Variants in ITGAX observed in about 807,000 individuals in gnomAD.
ITGAX encodes integrin subunit alpha X, also known as integrin alpha-X.
Under a neutral mutation model 140.2 loss-of-function variants are expected in ITGAX, and 99 were observed. The observed-to-expected ratio is 0.71, with a 90% CI of 0.60 to 0.83. ITGAX has a LOEUF of 0.83. ITGAX is among the 40% of genes least tolerant of loss of function. The pLI is 0.00. For missense variants in ITGAX, 1,444 were observed against 1,482.0 expected, an observed-to-expected ratio of 0.97 and a Z score of 0.42; for synonymous variants, 631 against 600.4, an observed-to-expected ratio of 1.05 and a Z score of -0.75.
rs1474912776 is a variant in ITGAX, at chr16:31,372,652, T to C, written c.2348T>C (p.Ile783Thr). 1.2e-6 allele frequency: 2 copies of C among 1,613,990 alleles called. No individual in the cohort carries two copies. Among genetic ancestry groups the C allele is most frequent in the Non-Finnish European group, 1.7e-6 (2 of 1,179,944 alleles). The change falls in exon 19 of 30, where the codon ATC becomes ACC. Residue 783 changes from isoleucine (I) to threonine (T), a missense_variant. Physicochemically the swap from Ile to Thr is moderately conservative, Grantham distance 89. Coordinates refer to ENST00000268296, the MANE Select transcript of ITGAX (RefSeq NM_000887.5). The part of the protein sequence containing the change: ...ADHICQDNLG[I>T]SFSFPGLKSL... ...CATATCTGCCAGGACAATCTCGGCA[T>C]CTCCTTCAGCTTCCCAGGGTGAGCG...
chr16:31,371,663 C>T lies in ITGAX; in HGVS notation c.2039C>T (p.Ala680Val), dbSNP rs752349110. 6.2e-7 allele frequency: 1 copy of T among 1,614,156 alleles called. No individual in the cohort carries two copies. Among genetic ancestry groups the T allele is most frequent in the South Asian group, 1.1e-5 (1 of 91,082 alleles). ...CAAAGCTCTGTGACCTTGGACCTGGCCCTCGACCCTGGCCGCCTGAGTCCC... is the reference window on the plus strand; with the variant it reads ...CAAAGCTCTGTGACCTTGGACCTGGTCCTCGACCCTGGCCGCCTGAGTCCC... ...DLQSSVTLDL[A>V]LDPGRLSPRA... The change falls in exon 17 of 30, where the codon GCC becomes GTC. Residue 680 changes from alanine to valine, a missense_variant. By Grantham distance (64) the Ala-to-Val change is moderately conservative. Coordinates refer to ENST00000268296, the MANE Select transcript of ITGAX (RefSeq NM_000887.5).
chr16:31,355,367 G>C (rs1034100745), intron 1 of ITGAX, 76 bp downstream of exon 1: 4 of 1,520,420 alleles, frequency 2.6e-6, no homozygotes, highest in Admixed American at 3.4e-5. Flanking sequence ...GGGGGCTCAG[G>C]CTGGGGGGTT....
At chr16:31,377,938 G>A (rs967874296) in intron 23 of ITGAX, among the ~76,000 whole-genome samples, 9 of 152,222 alleles carry the variant, frequency 5.9e-5, no homozygotes, top group African/African-American at 1.7e-4. Flanking sequence ...TGGCAGAGGA[G>A]GAATGAGGCT....
intron 16 of ITGAX, 60 bp from the exon 17 acceptor site, chr16:31,371,570 C>T (rs912837065): frequency 3.7e-6 from 6 of 1,610,894 alleles, no homozygotes; most frequent in Non-Finnish European, 4.2e-6. Context: ...TGTCTCCCAC[C>T]CTGCTCATTG....
rs751181508 is a variant in ITGAX, at chr16:31,360,039, C to T, written c.681C>T (p.Tyr227=). The stretch of plus-strand genomic sequence containing the variant: ...TTCACCAGCTGCAAGGGTTTACATA[C>T]ACGGCCACCGCCATCCAAAATGTCG... ...ASVHQLQGFT[Y]TATAIQNVVH... The change falls in exon 7 of 30, where the codon TAC becomes TAT. Residue 227 remains tyrosine (Y), a synonymous_variant. Coordinates refer to ENST00000268296, the MANE Select transcript of ITGAX (RefSeq NM_000887.5). 1 of 1,612,274 alleles carries T rather than the reference C, an allele frequency of 6.2e-7. No homozygotes were observed. Among genetic ancestry groups the T allele is most frequent in the Non-Finnish European group, 8.5e-7 (1 of 1,180,030 alleles).
intron 23 of ITGAX, 30 bp from the exon 24 acceptor site, chr16:31,379,538 C>A: frequency 6.4e-7 from 1 of 1,551,164 alleles, no homozygotes; most frequent in Non-Finnish European, 8.7e-7. Context: ...CATGGTAGTT[C>A]ACATCCACTT....
chr16:31,361,763 A>C, intron 9 of ITGAX, 73 bp from the exon 10 acceptor site: 1 of 1,469,296 alleles, frequency 6.8e-7, no homozygotes, highest in South Asian at 1.1e-5. Context: ...AGCTTCTCCT[A>C]AAGCTGAAGT....
chr16:31,363,396 GT>G, intron 14 of ITGAX, 22 bp downstream of exon 14: 1 of 1,612,300 alleles, frequency 6.2e-7, no homozygotes, highest in Non-Finnish European at 8.5e-7. Flanking sequence ...TCCCATTTCT[GT>G]CACTAGAGCA....
chr16:31,359,702 T>C lies in ITGAX; in HGVS notation c.433T>C (p.Cys145Arg). 1 of 1,613,828 alleles carries C rather than the reference T, an allele frequency of 6.2e-7. No individual in the cohort carries two copies. ...ACCGGTGCCACCTCCTTCCCCAGAG[T>C]GCCCAAGACAGGAGCAGGACATTGT... ...TQRLPVSRQECPRQEQDIVFL... is the reference protein window; with the variant it reads ...TQRLPVSRQERPRQEQDIVFL... Residue 145 changes from cysteine (C) to arginine (R), a missense_variant and splice_region_variant, in exon 6 of 30, where the codon TGC (cysteine) becomes CGC (arginine). Coordinates refer to ENST00000268296, the MANE Select transcript of ITGAX (RefSeq NM_000887.5).
In ITGAX at chr16:31,360,073, C is replaced by T; in HGVS notation, c.707+8C>T. 6.2e-7 allele frequency: 1 copy of T among 1,608,342 alleles called. No homozygotes were observed. The highest frequency in any genetic ancestry group is 8.5e-7 in the Non-Finnish European group (1 of 1,179,966). On this transcript the variant is annotated splice_region_variant and intron_variant, in intron 7 of 29. Transcript: ENST00000268296. ...CGCCATCCAAAATGTCGTGTGAGTC[C>T]TGATTTCTTCCAGGCACAGTCCCAA... is the stretch of plus-strand genomic sequence containing the variant.
At chr16:31,368,156 T>TG (rs1383848257) in intron 14 of ITGAX, among the ~76,000 whole-genome samples, 1 of 151,634 alleles carries the variant, frequency 6.6e-6, no homozygotes, top group African/African-American at 2.4e-5. Context: ...AGTGTTTTTT[T>TG]TTTTTTTCAG....
intron 14 of ITGAX, among the ~76,000 whole-genome samples, chr16:31,366,927 A>G (rs996898784): frequency 3.9e-5 from 6 of 152,246 alleles, no homozygotes; most frequent in Non-Finnish European, 7.3e-5. Flanking sequence ...CAAATTCTGA[A>G]TGCAAAGAAA....
rs1371387597 is a variant in ITGAX at position 31,380,921 on chromosome 16, A to G, written c.3301A>G (p.Lys1101Glu). Residue 1101 changes from lysine to glutamate, a missense_variant, in exon 29 of 30, where the codon AAG (lysine) becomes GAG (glutamate). Transcript: ENST00000268296. The part of the protein sequence containing the change: ...AQTTTVLEKY[K>E]VHNPTPLIVG... ...GACGACAACGGTGCTGGAGAAGTAC[A>G]AGGTCCACAACCCCACCCCCCTCAT... is the stretch of plus-strand genomic sequence containing the variant. 1 of 1,614,110 alleles carries G rather than the reference A, an allele frequency of 6.2e-7. No homozygotes were observed. Among genetic ancestry groups the G allele is most frequent in the African/African-American group, 1.3e-5 (1 of 75,010 alleles).
Position 31,372,581 on chromosome 16 carries a change from T to G in ITGAX, c.2293-16T>G. ...CCTGGGTCTCGGAGAAAACCCCCCG[T>G]TGCCTTCCCACGCAGCTACCCTTTG... On this transcript the variant is annotated splice_polypyrimidine_tract_variant and intron_variant, in intron 18 of 29. Coordinates refer to ENST00000268296, the MANE Select transcript of ITGAX (RefSeq NM_000887.5). 1 of 1,614,072 alleles carries G rather than the reference T, an allele frequency of 6.2e-7. No homozygotes were observed. Among genetic ancestry groups the G allele is most frequent in the Non-Finnish European group, 8.5e-7 (1 of 1,179,962 alleles).
intron 19 of ITGAX, 125 bp from the exon 20 acceptor site, chr16:31,373,124 A>AGAAGAAGAT: frequency 1.4e-6 from 1 of 698,576 alleles, no homozygotes; most frequent in African/African-American, 1.9e-5. Flanking sequence ...AAGAAGAAGA[A>AGAAGAAGAT]GAAGAAGAAC....
At position 31,362,743 on chromosome 16, in the gene ITGAX, C is replaced by T. The variant is rs755048315; in HGVS notation, c.1349C>T (p.Thr450Met). The T allele has an allele frequency of 3.3e-5, 54 of 1,613,288 alleles. No homozygotes were observed. The highest frequency in any genetic ancestry group is 3.8e-5 in the Non-Finnish European group (45 of 1,179,788). Residue 450 changes from threonine (T) to methionine (M), a missense_variant, in exon 12 of 30, where the codon ACG (threonine) becomes ATG (methionine). Thr to Met is a moderately conservative substitution (Grantham distance 81, BLOSUM62 -1). Coordinates refer to ENST00000268296, the MANE Select transcript of ITGAX (RefSeq NM_000887.5). ...SRQWRMKAEV[T>M]GTQIGSYFGA... The stretch of plus-strand genomic sequence containing the variant: ...CAATGGAGGATGAAGGCCGAAGTCA[C>T]GGGGACTCAGGTTGGGCGTGACAGG...
At chr16:31,362,489 A>C in intron 11 of ITGAX, 122 bp from the exon 12 acceptor site, 1 of 1,130,224 alleles carries the variant, frequency 8.8e-7, no homozygotes, top group Non-Finnish European at 1.2e-6. Context: ...TGGGGGCTGC[A>C]TTGCCCAGGG....
chr16:31,379,795 C>G lies in ITGAX; in HGVS notation c.2907C>G (p.Ile969Met), dbSNP rs751025994. 6.2e-7 allele frequency: 1 copy of G among 1,614,166 alleles called. No homozygotes were observed. Among genetic ancestry groups the G allele is most frequent in the East Asian group, 2.2e-5 (1 of 44,876 alleles). Reference protein sequence around the residue: ...NLGQRDLPVSINFWVPVELNQ... With the variant: ...NLGQRDLPVSMNFWVPVELNQ... ...GACAGAGGGACCTGCCTGTCAGCAT[C>G]AACTTCTGGGTGCCTGTGGAGCTGA... The change falls in exon 25 of 30, where the codon ATC (isoleucine) becomes ATG (methionine). Residue 969 changes from isoleucine (I) to methionine (M), a missense_variant. Ile to Met is a conservative substitution (Grantham distance 10). Transcript: ENST00000268296.
At chr16:31,377,846 G>A (rs749233636) in intron 23 of ITGAX, among the ~76,000 whole-genome samples, 1 of 152,254 alleles carries the variant, frequency 6.6e-6, no homozygotes, top group African/African-American at 2.4e-5. Context: ...TTCTGGGGGA[G>A]GCCAAGGTGG....
Sources: gnomAD v4.1 joint callset for allele counts (sites outside exome capture counted in the v4.1 genomes callset) on GRCh38, gnomAD v4.1.1 for gene constraint, MANE v1.5 for transcripts, NCBI Gene and HGNC (gene_info 2026-07-23, HGNC 2026-07-21) for gene names.